The following GJC1 variants were observed in gnomAD, a reference collection of about 807,000 sequenced individuals.
The protein encoded by GJC1 is gap junction protein gamma 1, also known as gap junction gamma-1 protein.
A neutral mutation model predicts 29.3 loss-of-function variants in GJC1; 5 were observed. The ratio of observed to expected loss-of-function variants is 0.17; its 90% CI spans 0.09 to 0.36. The LOEUF (loss-of-function observed/expected upper bound fraction) is 0.36. Ranked by LOEUF, GJC1 falls within the 10% of genes least tolerant of loss-of-function variation. GJC1 has a pLI of 1.00. For synonymous variants in GJC1, 177 were observed against 183.3 expected, an observed-to-expected ratio of 0.97 and a Z score of 0.28; for missense variants, 310 against 496.2, an observed-to-expected ratio of 0.62 and a Z score of 3.56.
intron 1 of GJC1, among the ~76,000 whole-genome samples, chr17:44,825,743 C>T (rs966923110): frequency 9.3e-5 from 14 of 151,076 alleles, no homozygotes; most frequent in African/African-American, 3.4e-4. Context: ...CCACTGCACT[C>T]CACCCTGGGT....
At chr17:44,815,751 GTTTAT>G (rs934556725) in intron 1 of GJC1, among the ~76,000 whole-genome samples, 1 of 151,234 alleles carries the variant, frequency 6.6e-6, no homozygotes, top group African/African-American at 2.4e-5. Context: ...AAACATCTCA[GTTTAT>G]TTTACTGACT....
At chr17:44,810,016 G>A (rs957537173) in intron 1 of GJC1, among the ~76,000 whole-genome samples, 5 of 151,644 alleles carry the variant, frequency 3.3e-5, no homozygotes, top group African/African-American at 4.8e-5. Flanking sequence ...CTGCCACCAC[G>A]CTTGGCTATT....
At position 44,801,341 on chromosome 17, in the gene GJC1, AACATAATCATGTTGATTGTATCCTG is replaced by A. The variant is rs1268675069; in HGVS notation, c.*3261_*3285del. On this transcript the variant is annotated 3_prime_UTR_variant, in exon 3 of 3. Coordinates refer to ENST00000592524, the MANE Select transcript of GJC1 (RefSeq NM_005497.4). Reference sequence around the variant, plus strand: ...CTGCATAAATCCAAGTGTGTTAAGGAACATAATCATGTTGATTGTATCCTGATTCTAGCAGGTGAAGGACTAAGCA... The same window carrying A: ...CTGCATAAATCCAAGTGTGTTAAGGAATTCTAGCAGGTGAAGGACTAAGCA... The A allele has an allele frequency of 6.6e-6, 1 of 152,200 alleles. No homozygotes were observed. The highest frequency in any genetic ancestry group is 1.9e-4 in the East Asian group (1 of 5,196). 9.4% of individuals were successfully genotyped at this position (152,200 alleles called of 1,614,324 possible). A position where few individuals can be genotyped will look rare whatever the true frequency, so the allele number is the denominator to read the frequency against.
intron 1 of GJC1, among the ~76,000 whole-genome samples, chr17:44,812,860 G>A (rs1567710551): frequency 1.3e-5 from 2 of 151,694 alleles, no homozygotes; most frequent in African/African-American, 2.4e-5. Context: ...CATTAACCGG[G>A]ATGGTCTCCA....
rs10710605 is a variant in GJC1 at position 44,823,248 on chromosome 17, G to GTTTTTTTT, written c.-97+6806_-97+6813dup. Among the ~76,000 whole-genome samples, 419 of 117,778 alleles carry GTTTTTTTT rather than the reference G, an allele frequency of 3.6e-3. 2 individuals carry two copies. Among genetic ancestry groups the GTTTTTTTT allele is most frequent in the African/African-American group, 0.013 (404 of 30,154 alleles). 77.3% of individuals were successfully genotyped at this position (117,778 alleles called of 152,430 possible). On this transcript the variant is annotated intron_variant, in intron 1 of 2. Coordinates refer to ENST00000592524, the MANE Select transcript of GJC1 (RefSeq NM_005497.4). Reference sequence around the variant, plus strand: ...CTGAAACCCTATGCATTTCTTTCCTGTTTTTTTTTTTTTTTTTTTTTTAAG... The same window carrying GTTTTTTTT: ...CTGAAACCCTATGCATTTCTTTCCTGTTTTTTTTTTTTTTTTTTTTTTTTTTTTTTAAG...
At chr17:44,827,904 C>T (rs1367242334) in intron 1 of GJC1, among the ~76,000 whole-genome samples, 2 of 152,102 alleles carry the variant, frequency 1.3e-5, no homozygotes, top group African/African-American at 4.8e-5. Context: ...GAACACACCT[C>T]ACCAATTTTG....
chr17:44,811,394 T>C lies in GJC1; in HGVS notation c.-96-3925A>G, dbSNP rs528571032. 5.5e-4 allele frequency among the ~76,000 whole-genome samples: 80 copies of C among 146,510 alleles called. 2 individuals carry two copies. Among genetic ancestry groups the C allele is most frequent in the Middle Eastern group, 3.5e-3 (1 of 286 alleles). ...ACTGCACCTGGCCTTTTTTCTTTTT[T>C]TTTTTTTTTTTTGAGACAAAGTCTC... On this transcript the variant is annotated intron_variant, in intron 1 of 2. Transcript: ENST00000592524.
At chr17:44,815,104 C>A (rs1168870564) in intron 1 of GJC1, among the ~76,000 whole-genome samples, 3 of 152,112 alleles carry the variant, frequency 2.0e-5, no homozygotes, top group African/African-American at 7.2e-5. Flanking sequence ...TAGAAAATGA[C>A]ATGGAAGCAC....
At chr17:44,817,344 A>G (rs1450100389) in intron 1 of GJC1, among the ~76,000 whole-genome samples, 2 of 151,932 alleles carry the variant, frequency 1.3e-5, no homozygotes, top group Non-Finnish European at 2.9e-5. Context: ...CTAGTAAAGA[A>G]TTACATTACA....
At chr17:44,817,932 G>A (rs748956179) in intron 1 of GJC1, among the ~76,000 whole-genome samples, 1 of 152,012 alleles carries the variant, frequency 6.6e-6, no homozygotes, top group Non-Finnish European at 1.5e-5. Context: ...AAAGCACAAG[G>A]CCAGGCGCGG....
chr17:44,805,731 A>T lies in GJC1; in HGVS notation c.87T>A (p.Ile29=). ...CAGCTGTAAGGACGATCCGGAAGACAATCAGAACAGTGAGCCAGATCTTCC... is the reference window on the plus strand; with the variant it reads ...CAGCTGTAAGGACGATCCGGAAGACTATCAGAACAGTGAGCCAGATCTTCC... ...FVGKIWLTVL[I]VFRIVLTAVG... Residue 29 remains isoleucine, a synonymous_variant, in exon 3 of 3, where the codon ATT becomes ATA. Transcript: ENST00000592524. The surrounding 1 kb of genome is among the most constrained non-coding windows in gnomAD (Gnocchi z 5.1). The T allele has an allele frequency of 6.2e-7, 1 of 1,614,186 alleles. No individual in the cohort carries two copies. Among genetic ancestry groups the T allele is most frequent in the Non-Finnish European group, 8.5e-7 (1 of 1,180,000 alleles).
rs2049907945 is a variant in GJC1 at position 44,805,934 on chromosome 17, A to T, written c.-20-97T>A. ...ATCTCTAGGAACTACTGCTTTGAAT[A>T]CTTGAAATCTAACCTCAAGGTTCAC... On this transcript the variant is annotated intron_variant, in intron 2 of 2. Coordinates refer to ENST00000592524, the MANE Select transcript of GJC1 (RefSeq NM_005497.4). The surrounding 1 kb of genome is among the most constrained non-coding windows in gnomAD (Gnocchi z 5.1). 1.6e-6 allele frequency: 1 copy of T among 636,978 alleles called. No individual in the cohort carries two copies. The highest frequency in any genetic ancestry group is 3.0e-5 in the Admixed American group (1 of 32,942). The allele number at this position is 636,978 out of a possible 1,614,324, so 39.5% of individuals were successfully genotyped here.
chr17:44,794,349 G>A (rs955077832), downstream of GJC1: 2 of 152,232 alleles, frequency 1.3e-5, no homozygotes, highest in Non-Finnish European at 2.9e-5. Context: ...AACAATCCAC[G>A]GAACAATTTG....
intron 1 of GJC1, among the ~76,000 whole-genome samples, chr17:44,827,352 A>AAAC (rs1567716750): frequency 2.8e-5 from 4 of 140,814 alleles, no homozygotes; most frequent in African/African-American, 1.0e-4. Context: ...AACAAACAAA[A>AAAC]AAAAAAAATT....
intron 1 of GJC1, among the ~76,000 whole-genome samples, chr17:44,809,460 T>A (rs887383090): frequency 1.3e-5 from 2 of 152,240 alleles, no homozygotes; most frequent in Admixed American, 6.5e-5. Flanking sequence ...GGCTCAGATT[T>A]TCCCCAAAGC....
intron 1 of GJC1, among the ~76,000 whole-genome samples, chr17:44,819,709 G>T (rs930633197): frequency 2.0e-5 from 3 of 149,002 alleles, no homozygotes; most frequent in African/African-American, 7.5e-5. Flanking sequence ...TAAATAAAAA[G>T]AATTTCCTTC....
Position 44,804,333 on chromosome 17 carries a change from C to A in GJC1, c.*294G>T. 9.3e-6 allele frequency: 3 copies of A among 323,480 alleles called. No individual in the cohort carries two copies. The highest frequency in any genetic ancestry group is 5.6e-6 in the Non-Finnish European group (1 of 177,948). 20.0% of individuals were successfully genotyped at this position (323,480 alleles called of 1,614,324 possible). ...AAAAAGTACCATAATACTGTACATA[C>A]AAAAACTGTTCAACAAGAATGATTT... is the stretch of plus-strand genomic sequence containing the variant. On this transcript the variant is annotated 3_prime_UTR_variant, in exon 3 of 3. Transcript: ENST00000592524.
chr17:44,797,492 T>C (rs2049790993), downstream of GJC1: 1 of 152,188 alleles, frequency 6.6e-6, no homozygotes. Context: ...CCTAAACCCT[T>C]GTGAGCACCC....
Position 44,804,475 on chromosome 17 carries a change from GC to G in GJC1, c.*151del. On this transcript the variant is annotated 3_prime_UTR_variant, in exon 3 of 3. Coordinates refer to ENST00000592524, the MANE Select transcript of GJC1 (RefSeq NM_005497.4). ...GTTTCCCTTTCTCTCCCTCAGCCCA[GC>G]CCCGCCTCCAGAGTCCCCTGAGCTT... 1.6e-6 allele frequency: 1 copy of G among 630,852 alleles called. No individual in the cohort carries two copies. Among genetic ancestry groups the G allele is most frequent in the Non-Finnish European group, 2.8e-6 (1 of 359,726 alleles). The allele number at this position is 630,852 out of a possible 1,614,324, so 39.1% of individuals were successfully genotyped here. A position where few individuals can be genotyped will look rare whatever the true frequency, so the allele number is the denominator to read the frequency against.
Sources: gnomAD v4.1 joint callset for allele counts (sites outside exome capture counted in the v4.1 genomes callset) on GRCh38, gnomAD v4.1.1 for gene constraint, Gnocchi (gnomAD v3.1) non-coding constraint, MANE v1.5 for transcripts, NCBI Gene and HGNC (gene_info 2026-07-23, HGNC 2026-07-21) for gene names.